DIP2A: variants seen among roughly 807,000 people sequenced by gnomAD.
The protein encoded by DIP2A is DIP2 acetate--CoA ligase A.
DIP2A carries 85 observed loss-of-function variants against 177.4 expected under a neutral mutation model. The ratio of observed to expected loss-of-function variants is 0.48; its 90% CI spans 0.40 to 0.57. The LOEUF is 0.57. Ranked by LOEUF, DIP2A falls within the 20% of genes least tolerant of loss-of-function variation. The pLI, the probability that DIP2A is intolerant of heterozygous loss-of-function variation, is 0.00. For synonymous variants in DIP2A, 886 were observed against 881.8 expected (o/e 1.00, Z -0.08); for missense variants, 1,791 against 2,100.2 (o/e 0.85, Z 2.88).
chr21:46,508,600 C>T (rs1265786028), intron 6 of DIP2A, among the ~76,000 whole-genome samples: 1 of 151,002 alleles, frequency 6.6e-6, no homozygotes, highest in Non-Finnish European at 1.5e-5. Context: ...CCTCGTGATC[C>T]ACCTGCCTCA....
rs148790511 is a variant in DIP2A at position 46,546,007 on chromosome 21, G to A, written c.2394+46G>A. 5.6e-6 allele frequency: 9 copies of A among 1,613,462 alleles called. No homozygotes were observed. The East Asian group carries it at 1.3e-4, about 24-fold the overall frequency. On this transcript the variant is annotated intron_variant, in intron 20 of 37. Coordinates refer to ENST00000417564, the MANE Select transcript of DIP2A (RefSeq NM_015151.4). ...CAGCACTGGCAGTCAGAGAAGGTAG[G>A]GGGTGTGGCTAAGGGACACCTCGTT...
At chr21:46,572,122 T>C (rs1446458022), downstream of DIP2A, among the ~76,000 whole-genome samples, 1 of 152,218 alleles carries the variant, frequency 6.6e-6, no homozygotes, top group African/African-American at 2.4e-5. Flanking sequence ...TAATAAAGTT[T>C]ATAATGTAAA....
intron 5 of DIP2A, among the ~76,000 whole-genome samples, chr21:46,500,381 G>A (rs1370208640): frequency 6.6e-6 from 1 of 152,224 alleles, no homozygotes; most frequent in African/African-American, 2.4e-5. Context: ...AGAGGCTGCT[G>A]CCCACCTTTC....
chr21:46,501,661 G>A (rs1278792130), intron 5 of DIP2A, among the ~76,000 whole-genome samples: 2 of 150,230 alleles, frequency 1.3e-5, no homozygotes, highest in Non-Finnish European at 3.0e-5. Flanking sequence ...GGGCTCAAGT[G>A]ATCCTCATGC....
intron 2 of DIP2A, among the ~76,000 whole-genome samples, chr21:46,486,150 C>T (rs2056682546): frequency 6.7e-6 from 1 of 149,902 alleles, no homozygotes; most frequent in South Asian, 2.1e-4. Flanking sequence ...GAACTTCTTG[C>T]AGTAACGGAC....
chr21:46,493,323 T>C (rs183405263), intron 3 of DIP2A, among the ~76,000 whole-genome samples: 14 of 149,930 alleles, frequency 9.3e-5, no homozygotes, highest in South Asian at 2.1e-4. Flanking sequence ...TCTATACTTA[T>C]TTTCCTTTTT....
intron 18 of DIP2A, among the ~76,000 whole-genome samples, chr21:46,542,849 C>T (rs1452892662): frequency 6.6e-6 from 1 of 152,242 alleles, no homozygotes; most frequent in East Asian, 1.9e-4. Flanking sequence ...AGAGGCTCAG[C>T]GTCCTGGCCC....
At chr21:46,525,810 A>G (rs2148713584) in intron 8 of DIP2A, 1 of 151,714 alleles carries the variant, frequency 6.6e-6, no homozygotes, top group South Asian at 2.1e-4. Flanking sequence ...GTCACAGTAT[A>G]CCTACTGAGA....
intron 1 of DIP2A, among the ~76,000 whole-genome samples, chr21:46,476,382 A>G (rs748951423): frequency 6.6e-6 from 1 of 152,122 alleles, no homozygotes; most frequent in Non-Finnish European, 1.5e-5. Context: ...TGAAACAAAT[A>G]GAGGATGAGC....
intron 20 of DIP2A, 88 bp downstream of exon 20, chr21:46,546,049 C>T (rs374172489): frequency 1.1e-4 from 183 of 1,593,818 alleles, no homozygotes; most frequent in Non-Finnish European, 1.5e-4. Context: ...CCACCCTTGT[C>T]CTGGCCGTTC....
chr21:46,499,310 G>A (rs1040287968), intron 5 of DIP2A, among the ~76,000 whole-genome samples: 1 of 152,192 alleles, frequency 6.6e-6, no homozygotes, highest in African/African-American at 2.4e-5. Context: ...ACACCTTCCT[G>A]CTCTTGAGGG....
At chr21:46,489,369 G>A (rs1465998649) in intron 2 of DIP2A, among the ~76,000 whole-genome samples, 1 of 152,204 alleles carries the variant, frequency 6.6e-6, no homozygotes, top group Non-Finnish European at 1.5e-5. Flanking sequence ...CCAACATCCT[G>A]TGAGGGCTCC....
chr21:46,505,390 C>G (rs934016078), intron 6 of DIP2A, among the ~76,000 whole-genome samples: 13 of 152,086 alleles, frequency 8.5e-5, no homozygotes, highest in African/African-American at 3.1e-4. Context: ...GGGCAGATCA[C>G]TAGGTCAGGA....
chr21:46,476,652 AT>A (rs111428142), intron 1 of DIP2A, among the ~76,000 whole-genome samples: 40,199 of 129,684 alleles, frequency 0.31, 5,169 homozygotes, highest in East Asian at 0.4. Context: ...GCATCACTCT[AT>A]TTTTTTTTTT....
At chr21:46,469,196 C>T (rs566931802) in intron 1 of DIP2A, 5 of 152,214 alleles carry the variant, frequency 3.3e-5, no homozygotes, top group Non-Finnish European at 5.9e-5. Flanking sequence ...GTCTCCAGCA[C>T]CTTGCACATT....
chr21:46,560,985 G>C (rs1229174757), intron 33 of DIP2A: 1 of 985,366 alleles, frequency 1.0e-6, no homozygotes, highest in African/African-American at 1.7e-5. Flanking sequence ...GAGGAGAGCT[G>C]TGTGCCCCAC....
At chr21:46,463,965 C>G (rs1388332979) in intron 1 of DIP2A, among the ~76,000 whole-genome samples, 1 of 151,764 alleles carries the variant, frequency 6.6e-6, no homozygotes, top group South Asian at 2.1e-4. Flanking sequence ...GCCTCGGCCT[C>G]CCAAAGTGCT....
At chr21:46,512,209 C>G (rs1481707586) in intron 8 of DIP2A, among the ~76,000 whole-genome samples, 4 of 152,150 alleles carry the variant, frequency 2.6e-5, no homozygotes, top group Non-Finnish European at 5.9e-5. Context: ...CTTACACACT[C>G]TTAAGTAGAT....
chr21:46,524,712 T>C (rs1404588969), intron 8 of DIP2A, among the ~76,000 whole-genome samples: 1 of 152,080 alleles, frequency 6.6e-6, no homozygotes, highest in African/African-American at 2.4e-5. Context: ...ACAGGATCAT[T>C]TATAGGAATT....
Sources: allele counts gnomAD v4.1 joint callset (sites outside exome capture counted in the v4.1 genomes callset), GRCh38; gene constraint gnomAD v4.1.1; transcripts MANE v1.5; gene names NCBI Gene and HGNC (gene_info 2026-07-23, HGNC 2026-07-21).